The following ARHGAP26 variants were observed in gnomAD, a reference collection of about 807,000 sequenced individuals.
The protein encoded by ARHGAP26 is rho GTPase-activating protein 26.
Under a neutral mutation model 104.8 loss-of-function variants are expected in ARHGAP26, and 38 were observed. The ratio of observed to expected loss-of-function variants is 0.36; its 90% confidence interval spans 0.28 to 0.48. ARHGAP26 has a LOEUF of 0.48. Ranked by LOEUF, ARHGAP26 falls within the 20% of genes least tolerant of loss-of-function variation. The pLI, the probability that ARHGAP26 is intolerant of heterozygous loss-of-function variation, is 0.99. For synonymous variants in ARHGAP26, 341 were observed against 340.0 expected (o/e 1.00, Z -0.03); for missense variants, 704 against 947.9 (o/e 0.74, Z 3.38).
At chr5:143,127,418 T>C (rs532207095) in intron 18 of ARHGAP26, among the ~76,000 whole-genome samples, 3 of 152,204 alleles carry the variant, frequency 2.0e-5, no homozygotes, top group Non-Finnish European at 4.4e-5. Flanking sequence ...TAAGTTATAA[T>C]AATTCCTTCC....
intron 20 of ARHGAP26, among the ~76,000 whole-genome samples, chr5:143,198,301 A>G (rs1041517341): frequency 2.0e-5 from 3 of 152,250 alleles, no homozygotes; most frequent in African/African-American, 7.2e-5. Context: ...CCATATGAAC[A>G]CTTTATAATG....
intron 17 of ARHGAP26, among the ~76,000 whole-genome samples, chr5:143,085,787 G>C (rs1247150054): frequency 6.6e-6 from 1 of 152,160 alleles, no homozygotes. Flanking sequence ...AGTGGCTGTG[G>C]GTACGAGGAA....
intron 11 of ARHGAP26, among the ~76,000 whole-genome samples, chr5:143,005,311 G>A (rs1261664767): frequency 6.6e-6 from 1 of 152,216 alleles, no homozygotes; most frequent in Non-Finnish European, 1.5e-5. Context: ...GGTAGCCGAA[G>A]TTGGCCTCAA....
intron 5 of ARHGAP26, among the ~76,000 whole-genome samples, chr5:142,886,976 T>TGCTTAG (rs1757798984): frequency 2.0e-5 from 3 of 152,254 alleles, no homozygotes; most frequent in Non-Finnish European, 2.9e-5. Context: ...CTCCAGTTTC[T>TGCTTAG]AAGCAGGTAT....
At chr5:143,004,018 A>C (rs1426142774) in intron 11 of ARHGAP26, among the ~76,000 whole-genome samples, 2 of 5,022 alleles carry the variant, frequency 4.0e-4, no homozygotes, top group African/African-American at 1.5e-3. Flanking sequence ...ATTTATAGAC[A>C]AAAAAAAAAA....
rs991272865 is a variant in ARHGAP26, at chr5:142,878,887, C to T, written c.313-487C>T. Among the ~76,000 whole-genome samples the T allele has an allele frequency of 2.0e-5, 3 of 152,072 alleles. No individual in the cohort carries two copies. In the East Asian group the frequency reaches 5.8e-4, roughly 29 times the overall value. On this transcript the variant is annotated intron_variant, in intron 3 of 22. Coordinates refer to ENST00000645722, the MANE Select transcript of ARHGAP26 (RefSeq NM_001135608.3). ...GAGGCACAGGTGTCCTGGCTCTAGT[C>T]CAGTCCTGTCTTGGTAGAGCAACAC...
intron 20 of ARHGAP26, among the ~76,000 whole-genome samples, chr5:143,185,023 A>C (rs997005081): frequency 6.6e-6 from 1 of 152,232 alleles, no homozygotes; most frequent in Non-Finnish European, 1.5e-5. Context: ...ATTATTTACT[A>C]TAGTAAGAGA....
At chr5:143,098,854 GGTTAGT>G (rs140171685) in intron 17 of ARHGAP26, among the ~76,000 whole-genome samples, 3,286 of 152,166 alleles carry the variant, frequency 0.022, 85 homozygotes, top group African/African-American at 0.062. Flanking sequence ...CAATAAATAG[GGTTAGT>G]GTTAAAGTAT....
chr5:143,206,053 T>C (rs768102949), intron 20 of ARHGAP26, among the ~76,000 whole-genome samples: 1 of 152,232 alleles, frequency 6.6e-6, no homozygotes, highest in Non-Finnish European at 1.5e-5. Flanking sequence ...AGTAAGTAAT[T>C]AGGGCTATTA....
intron 11 of ARHGAP26, among the ~76,000 whole-genome samples, chr5:142,963,198 A>ATATGTGTGTGTGTGTG (rs869247749): frequency 2.5e-4 from 25 of 98,316 alleles, no homozygotes; most frequent in African/African-American, 1.4e-3. Context: ...ATATATATAT[A>ATATGTGTGTGTGTGTG]TGTGTGTGTG....
intron 17 of ARHGAP26, among the ~76,000 whole-genome samples, chr5:143,058,791 C>G (rs1011704334): frequency 3.3e-5 from 5 of 152,150 alleles, no homozygotes; most frequent in Admixed American, 3.3e-4. Context: ...ATGAAGATTT[C>G]CACCATTTCC....
intron 11 of ARHGAP26, among the ~76,000 whole-genome samples, chr5:142,973,326 T>C (rs746652671): frequency 6.6e-6 from 1 of 152,224 alleles, no homozygotes; most frequent in Admixed American, 6.5e-5. Flanking sequence ...GATGCAGGTC[T>C]GTGTGTCCTT....
At chr5:142,881,507 A>G (rs1008838035) in intron 4 of ARHGAP26, among the ~76,000 whole-genome samples, 7 of 152,192 alleles carry the variant, frequency 4.6e-5, no homozygotes, top group African/African-American at 1.7e-4. Flanking sequence ...CCCCTCATGC[A>G]TATTCTATTC....
intron 20 of ARHGAP26, among the ~76,000 whole-genome samples, chr5:143,164,424 ATTAAG>A (rs1235997912): frequency 6.6e-6 from 1 of 152,206 alleles, no homozygotes; most frequent in Non-Finnish European, 1.5e-5. Flanking sequence ...CAAGCCAGTT[ATTAAG>A]TTATTAAGTT....
intron 11 of ARHGAP26, among the ~76,000 whole-genome samples, chr5:142,955,298 C>G (rs1023044545): frequency 6.6e-6 from 1 of 151,596 alleles, no homozygotes; most frequent in South Asian, 2.1e-4. Context: ...GAGACCCTGT[C>G]TCAAAAAAAA....
At chr5:143,049,553 G>C (rs1034607119) in intron 14 of ARHGAP26, among the ~76,000 whole-genome samples, 1 of 152,070 alleles carries the variant, frequency 6.6e-6, no homozygotes, top group Non-Finnish European at 1.5e-5. Flanking sequence ...TTATTTTTCA[G>C]AGTGCTTTGG....
At chr5:143,177,362 G>A (rs1803614761) in intron 20 of ARHGAP26, among the ~76,000 whole-genome samples, 1 of 152,116 alleles carries the variant, frequency 6.6e-6, no homozygotes, top group Non-Finnish European at 1.5e-5. Flanking sequence ...TGTAGGATTT[G>A]GATCCGTGAA....
At chr5:143,219,625 G>A (rs1464512964) in intron 22 of ARHGAP26, among the ~76,000 whole-genome samples, 1 of 152,216 alleles carries the variant, frequency 6.6e-6, no homozygotes, top group African/African-American at 2.4e-5. Context: ...GGAAACAGAA[G>A]ACAGCAGAAA....
At chr5:142,873,271 G>A in intron 1 of ARHGAP26, 129 bp from the exon 2 acceptor site, 2 of 631,124 alleles carry the variant, frequency 3.2e-6, no homozygotes, top group Non-Finnish European at 5.4e-6. Flanking sequence ...ATATTCTTTT[G>A]TGCTTTGAAA....
Sources: gnomAD v4.1 joint callset for allele counts (sites outside exome capture counted in the v4.1 genomes callset) on GRCh38, gnomAD v4.1.1 for gene constraint, MANE v1.5 for transcripts, NCBI Gene and HGNC (gene_info 2026-07-23, HGNC 2026-07-21) for gene names.